The following ROR2 variants were observed in gnomAD, a reference collection of about 807,000 sequenced individuals.
ROR2 encodes the protein ROR family WNT receptor 2.
A neutral mutation model predicts 74.9 loss-of-function variants in ROR2; 33 were observed. The observed-to-expected ratio is 0.44, with a 90% CI of 0.33 to 0.59. The LOEUF (loss-of-function observed/expected upper bound fraction) is 0.59, where lower values mean the gene tolerates loss of function less well. Among genes scored for constraint, ROR2 ranks in the 20% least tolerant of loss-of-function variants. The pLI is 0.02. For missense variants in ROR2, 1,216 were observed against 1,313.8 expected, an observed-to-expected ratio of 0.93 and a Z score of 1.15; for synonymous variants, 586 against 558.7, an observed-to-expected ratio of 1.05 and a Z score of -0.69.
chr9:91,806,282 G>A (rs2119080065), intron 1 of ROR2, among the ~76,000 whole-genome samples: 1 of 152,294 alleles, frequency 6.6e-6, no homozygotes, highest in East Asian at 1.9e-4. Flanking sequence ...GTCTGATGAG[G>A]GTCCACTTCT....
intron 1 of ROR2, among the ~76,000 whole-genome samples, chr9:91,862,339 A>C (rs1020652699): frequency 9.9e-5 from 15 of 151,782 alleles, no homozygotes; most frequent in African/African-American, 3.4e-4. Flanking sequence ...CCAAAAAAAA[A>C]AGGAGGAGGA....
intron 1 of ROR2, among the ~76,000 whole-genome samples, chr9:91,914,693 A>C (rs1008860454): frequency 6.6e-6 from 1 of 152,174 alleles, no homozygotes; most frequent in African/African-American, 2.4e-5. Context: ...ATTGGTCAGA[A>C]CCAGGACCTG....
At chr9:91,789,942 C>T (rs776984285) in intron 1 of ROR2, among the ~76,000 whole-genome samples, 14 of 152,066 alleles carry the variant, frequency 9.2e-5, no homozygotes, top group Non-Finnish European at 1.8e-4. Flanking sequence ...AAGCAACACA[C>T]TTCGAATTCA....
intron 5 of ROR2, among the ~76,000 whole-genome samples, chr9:91,734,139 T>G (rs1311458137): frequency 6.6e-6 from 1 of 151,900 alleles, no homozygotes; most frequent in Non-Finnish European, 1.5e-5. Context: ...TGGGGTGAGT[T>G]CGGGAACAAA....
chr9:91,899,499 C>G (rs1245890887), intron 1 of ROR2, among the ~76,000 whole-genome samples: 1 of 152,126 alleles, frequency 6.6e-6, no homozygotes, highest in Non-Finnish European at 1.5e-5. Flanking sequence ...TTCAGGTGCA[C>G]ACATGGGGTA....
intron 1 of ROR2, among the ~76,000 whole-genome samples, chr9:91,871,894 T>C (rs1248490057): frequency 1.3e-5 from 2 of 152,164 alleles, no homozygotes; most frequent in African/African-American, 4.8e-5. Context: ...GCCATCTTCA[T>C]GTCTGGCCCA....
intron 1 of ROR2, among the ~76,000 whole-genome samples, chr9:91,870,076 T>C (rs994114630): frequency 1.3e-5 from 2 of 152,238 alleles, no homozygotes; most frequent in African/African-American, 4.8e-5. Context: ...CATAAAATTA[T>C]ATGTCCACAA....
chr9:91,784,771 C>T (rs1393343007), intron 1 of ROR2, among the ~76,000 whole-genome samples: 1 of 152,220 alleles, frequency 6.6e-6, no homozygotes, highest in Non-Finnish European at 1.5e-5. Flanking sequence ...ATGTCAAATA[C>T]TTCCCTCCAC....
intron 1 of ROR2, among the ~76,000 whole-genome samples, chr9:91,924,973 T>C (rs1277085160): frequency 6.6e-6 from 1 of 151,982 alleles, no homozygotes; most frequent in Non-Finnish European, 1.5e-5. Context: ...GCCTCCCAAG[T>C]AGCTGGGATC....
Position 91,821,895 on chromosome 9 carries a change from G to T in ROR2, c.98-46077C>A, listed in dbSNP as rs1828150813. On this transcript the variant is annotated intron_variant, in intron 1 of 8. Coordinates refer to ENST00000375708, the MANE Select transcript of ROR2 (RefSeq NM_004560.4). Reference sequence around the variant, plus strand: ...GGACCGAGGGTCCTTGTCTTTCAAGGCTTCCTATTTCTTGGATAAAACTGA... The same window carrying T: ...GGACCGAGGGTCCTTGTCTTTCAAGTCTTCCTATTTCTTGGATAAAACTGA... Among the ~76,000 whole-genome samples, 5 of 152,254 alleles carry T rather than the reference G, an allele frequency of 3.3e-5. No individual in the cohort carries two copies. In the South Asian group the frequency reaches 1.0e-3, roughly 32 times the overall value.
intron 4 of ROR2, among the ~76,000 whole-genome samples, chr9:91,740,413 G>A (rs778068197): frequency 1.1e-4 from 16 of 152,004 alleles, no homozygotes; most frequent in Admixed American, 2.0e-4. Context: ...TTAGCCAGGC[G>A]TAGTGGTGGG....
chr9:91,854,315 T>C (rs1449276524), intron 1 of ROR2, among the ~76,000 whole-genome samples: 2 of 151,748 alleles, frequency 1.3e-5, no homozygotes, highest in Non-Finnish European at 2.9e-5. Flanking sequence ...GGGCGTGGAG[T>C]CAGCAGCCTG....
At chr9:91,775,259 G>A (rs575376813) in intron 2 of ROR2, among the ~76,000 whole-genome samples, 72 of 152,310 alleles carry the variant, frequency 4.7e-4, no homozygotes, top group African/African-American at 1.7e-3. Flanking sequence ...TCTGCATCCG[G>A]GGGAAACTTG....
chr9:91,873,197 C>T (rs1235057964), intron 1 of ROR2, among the ~76,000 whole-genome samples: 1 of 136,758 alleles, frequency 7.3e-6, no homozygotes, highest in Non-Finnish European at 1.6e-5. Flanking sequence ...AACTGTACAT[C>T]GACTCATCTA....
intron 1 of ROR2, among the ~76,000 whole-genome samples, chr9:91,819,969 AGTGTCTGTACCTGT>A (rs1420470424): frequency 3.3e-5 from 5 of 151,634 alleles, no homozygotes; most frequent in African/African-American, 7.3e-5. Context: ...TGTCTTTGAC[AGTGTCTGTACCTGT>A]GTGTCTGTAC....
At chr9:91,752,679 C>T (rs1228573462) in intron 4 of ROR2, among the ~76,000 whole-genome samples, 1 of 152,152 alleles carries the variant, frequency 6.6e-6, no homozygotes, top group African/African-American at 2.4e-5. Flanking sequence ...ATTTGTCAGA[C>T]CTTATAGTGC....
intron 4 of ROR2, among the ~76,000 whole-genome samples, chr9:91,745,159 C>CT (rs535429187): frequency 2.0e-4 from 30 of 151,690 alleles, no homozygotes; most frequent in African/African-American, 7.0e-4. Context: ...AAGTCTCGCT[C>CT]TTTTTGCCCA....
intron 7 of ROR2, among the ~76,000 whole-genome samples, chr9:91,729,086 C>T (rs1419094485): frequency 1.1e-5 from 1 of 87,826 alleles, no homozygotes; most frequent in East Asian, 3.8e-4. Flanking sequence ...TTCCTACTCA[C>T]TGTAAAAAAA....
intron 1 of ROR2, among the ~76,000 whole-genome samples, chr9:91,921,655 G>A (rs1462037293): frequency 6.6e-6 from 1 of 152,212 alleles, no homozygotes; most frequent in South Asian, 2.1e-4. Context: ...CTTGAGGTCA[G>A]AAGTAGGAGA....
Sources: allele counts gnomAD v4.1 joint callset (sites outside exome capture counted in the v4.1 genomes callset), GRCh38; gene constraint gnomAD v4.1.1; transcripts MANE v1.5; gene names NCBI Gene and HGNC (gene_info 2026-07-23, HGNC 2026-07-21).